The following ANKRD6 variants were observed in gnomAD, a reference collection of about 807,000 sequenced individuals.
The protein encoded by ANKRD6 is ankyrin repeat domain-containing protein 6.
ANKRD6 carries 56 observed loss-of-function variants against 82.3 expected under a neutral mutation model. That is an observed-to-expected ratio of 0.68 (90% CI 0.55 to 0.85). ANKRD6 has a LOEUF of 0.85. Ranked by LOEUF, ANKRD6 falls within the 40% of genes least tolerant of loss-of-function variation. The pLI, the probability that ANKRD6 is intolerant of heterozygous loss-of-function variation, is 0.00. For missense variants in ANKRD6, 852 were observed against 907.6 expected (o/e 0.94, Z 0.79); for synonymous variants, 347 against 352.1 (o/e 0.99, Z 0.16).
intron 14 of ANKRD6, chr6:89,628,770 C>CAA (rs201088314): frequency 2.2e-3 from 529 of 242,650 alleles, no homozygotes; most frequent in South Asian, 5.0e-3. Context: ...ACTTCCATCT[C>CAA]AAAAAACAAA....
intron 1 of ANKRD6, among the ~76,000 whole-genome samples, chr6:89,479,452 T>A (rs1316966216): frequency 2.0e-5 from 3 of 152,200 alleles, no homozygotes; most frequent in African/African-American, 7.2e-5. Flanking sequence ...GGAGCTTTCC[T>A]GGCTCATTGA....
intron 1 of ANKRD6, among the ~76,000 whole-genome samples, chr6:89,489,262 G>T (rs904662655): frequency 1.1e-4 from 17 of 152,202 alleles, no homozygotes; most frequent in African/African-American, 3.6e-4. Context: ...GCAGCTGACA[G>T]CTCTGCCTGA....
intron 1 of ANKRD6, among the ~76,000 whole-genome samples, chr6:89,497,580 G>A (rs1008487331): frequency 6.6e-6 from 1 of 152,116 alleles, no homozygotes; most frequent in Non-Finnish European, 1.5e-5. Context: ...TCTAAATTGT[G>A]TCTTTTAAAC....
rs116357532 is a variant in ANKRD6, at chr6:89,568,962, C to T, written c.120+1866C>T. On this transcript the variant is annotated intron_variant, in intron 2 of 15. Transcript: ENST00000339746. ...TTTTTTTTTTTTTAGACAGTGTGTC[C>T]GTCTGTTGCCCAGGCAGGAGAGCTC... Among the ~76,000 whole-genome samples, 842 of 148,592 alleles carry T rather than the reference C, an allele frequency of 5.7e-3. 7 individuals carry two copies. Among genetic ancestry groups the T allele is most frequent in the African/African-American group, 0.019 (772 of 40,398 alleles).
intron 1 of ANKRD6, among the ~76,000 whole-genome samples, chr6:89,511,794 C>T (rs1780582245): frequency 1.3e-5 from 2 of 152,236 alleles, no homozygotes; most frequent in South Asian, 4.1e-4. Context: ...TTAGGATTAC[C>T]TTATGATTTG....
At chr6:89,510,069 C>A (rs142256012) in intron 1 of ANKRD6, among the ~76,000 whole-genome samples, 1 of 152,278 alleles carries the variant, frequency 6.6e-6, no homozygotes, top group Non-Finnish European at 1.5e-5. Context: ...CACTTTTGGG[C>A]TAAGTCACTC....
intron 1 of ANKRD6, among the ~76,000 whole-genome samples, chr6:89,541,157 G>A (rs1182754826): frequency 2.6e-5 from 4 of 151,840 alleles, no homozygotes; most frequent in African/African-American, 9.7e-5. Context: ...TTCTATTTCT[G>A]TGAAGAACGT....
chr6:89,561,762 G>T (rs1562822050), intron 1 of ANKRD6, among the ~76,000 whole-genome samples: 1 of 151,982 alleles, frequency 6.6e-6, no homozygotes, highest in Non-Finnish European at 1.5e-5. Flanking sequence ...TATGATGGTT[G>T]TATATTTTTT....
At position 89,433,224 on chromosome 6, in the gene ANKRD6, C is replaced by A. The variant is rs1320323458; in HGVS notation, c.-295C>A. The A allele has an allele frequency of 6.6e-6, 1 of 151,670 alleles. No homozygotes were observed. Among genetic ancestry groups the A allele is most frequent in the African/African-American group, 2.4e-5 (1 of 41,362 alleles). The allele number at this position is 151,670 out of a possible 1,614,324, so 9.4% of individuals were successfully genotyped here. A position where few individuals can be genotyped will look rare whatever the true frequency, so the allele number is the denominator to read the frequency against. On this transcript the variant is annotated 5_prime_UTR_variant, in exon 1 of 16. Transcript: ENST00000339746. The surrounding 1 kb of genome is among the most constrained non-coding windows in gnomAD (Gnocchi z 4.3). ...CGCAGGAGCCGAGAGCGCTGCCTGG[C>A]GCGCGGGCGGCTGGAGGCACGGCGC...
intron 1 of ANKRD6, among the ~76,000 whole-genome samples, chr6:89,529,869 T>G (rs1488471295): frequency 1.3e-5 from 2 of 152,202 alleles, no homozygotes; most frequent in Non-Finnish European, 2.9e-5. Flanking sequence ...GTTTGCCATT[T>G]TATGTGGTGT....
At chr6:89,545,522 T>A (rs914704971) in intron 1 of ANKRD6, among the ~76,000 whole-genome samples, 1 of 152,166 alleles carries the variant, frequency 6.6e-6, no homozygotes, top group African/African-American at 2.4e-5. Context: ...CAGGAGGTGT[T>A]TGTACAAGCC....
chr6:89,547,908 C>A (rs1279111050), intron 1 of ANKRD6, among the ~76,000 whole-genome samples: 1 of 151,902 alleles, frequency 6.6e-6, no homozygotes, highest in African/African-American at 2.4e-5. Context: ...TTTTTATCAC[C>A]CTCGTTTTAC....
At chr6:89,468,562 C>T (rs1199472555) in intron 1 of ANKRD6, among the ~76,000 whole-genome samples, 1 of 105,396 alleles carries the variant, frequency 9.5e-6, no homozygotes, top group Non-Finnish European at 1.8e-5. Flanking sequence ...TTGGGCCACA[C>T]ATAAAATATG....
At chr6:89,440,806 G>GAA (rs34990951) in intron 1 of ANKRD6, among the ~76,000 whole-genome samples, 34 of 139,504 alleles carry the variant, frequency 2.4e-4, no homozygotes, top group East Asian at 2.3e-3. Flanking sequence ...ATCCCATCTC[G>GAA]AAAAAAAAAA....
intron 1 of ANKRD6, among the ~76,000 whole-genome samples, chr6:89,560,592 G>A (rs1787259773): frequency 1.3e-5 from 2 of 152,214 alleles, no homozygotes; most frequent in East Asian, 3.9e-4. Flanking sequence ...GGGAGGCTGA[G>A]GCGTTTGGAT....
chr6:89,553,664 G>A (rs553114614), intron 1 of ANKRD6, among the ~76,000 whole-genome samples: 227 of 152,242 alleles, frequency 1.5e-3, no homozygotes, highest in African/African-American at 5.3e-3. Context: ...TCCTGTGGGA[G>A]ATTACTGAGG....
chr6:89,592,534 C>T (rs1380953495), intron 2 of ANKRD6, among the ~76,000 whole-genome samples: 1 of 152,174 alleles, frequency 6.6e-6, no homozygotes, highest in Non-Finnish European at 1.5e-5. Context: ...TCTTCACTGA[C>T]TTTGGATTAG....
intron 3 of ANKRD6, 51 bp downstream of exon 3, chr6:89,596,065 T>C (rs1178514377): frequency 1.5e-5 from 23 of 1,488,820 alleles, no homozygotes; most frequent in Non-Finnish European, 1.9e-5. Context: ...GGAGGTTTTC[T>C]GGCTAGAAAT....
At position 89,496,179 on chromosome 6, in the gene ANKRD6, C is replaced by A. The variant is rs1005217292; in HGVS notation, c.-144+62804C>A. Among the ~76,000 whole-genome samples the A allele has an allele frequency of 4.0e-5, 6 of 151,404 alleles. No homozygotes were observed. In the East Asian group the frequency reaches 5.8e-4, roughly 15 times the overall value. On this transcript the variant is annotated intron_variant, in intron 1 of 15. Coordinates refer to ENST00000339746, the MANE Select transcript of ANKRD6 (RefSeq NM_001242809.2). ...TTAGCAAGCTTTTTTCCACACTGCC[C>A]CCCCCCCCACCATAATTAAAGTACT...
Sources: allele counts gnomAD v4.1 joint callset (sites outside exome capture counted in the v4.1 genomes callset), GRCh38; gene constraint gnomAD v4.1.1; non-coding constraint Gnocchi (gnomAD v3.1); transcripts MANE v1.5; gene names NCBI Gene and HGNC (gene_info 2026-07-23, HGNC 2026-07-21).